Variants in LZIC observed in about 807,000 individuals in gnomAD.
LZIC encodes the protein protein LZIC.
A neutral mutation model predicts 25.4 loss-of-function variants in LZIC; 28 were observed. That is an observed-to-expected ratio of 1.10 (90% CI 0.82 to 1.51). The LOEUF (loss-of-function observed/expected upper bound fraction) is 1.51. Among genes scored for constraint, LZIC ranks in the 40% most tolerant of loss-of-function variants. The probability of loss-of-function intolerance (pLI) is 0.00; values close to 1 mark genes in which losing one functional copy is unlikely to be tolerated. For missense variants in LZIC, 170 were observed against 211.1 expected, an observed-to-expected ratio of 0.81 and a Z score of 1.21; for synonymous variants, 65 against 70.7, an observed-to-expected ratio of 0.92 and a Z score of 0.40.
At position 9,934,765 on chromosome 1, in the gene LZIC, T is replaced by G. The variant is rs767946901; in HGVS notation, c.333A>C (p.Ala111=). 3.7e-6 allele frequency: 6 copies of G among 1,613,362 alleles called. No homozygotes were observed. The highest frequency in any genetic ancestry group is 5.1e-6 in the Non-Finnish European group (6 of 1,179,332). Residue 111 remains alanine, a synonymous_variant, in exon 5 of 8, where the codon GCA becomes GCC. Transcript: ENST00000377223. ...KQPGQLRTRL[A]EMDRDLMVGK... is the part of the protein sequence containing the mutation. ...AATCAATTTAAAGAAATTTTACCTC[T>G]GCTAACCTTGTCCGAAGCTGACCTG...
intron 2 of LZIC, among the ~76,000 whole-genome samples, chr1:9,939,947 C>G (rs1478843528): frequency 1.3e-5 from 2 of 151,898 alleles, no homozygotes; most frequent in African/African-American, 4.8e-5. Context: ...GGCGAAACCC[C>G]GTCTCTACAA....
intron 5 of LZIC, among the ~76,000 whole-genome samples, chr1:9,934,547 G>A (rs1343346991): frequency 2.0e-5 from 3 of 152,154 alleles, no homozygotes; most frequent in Non-Finnish European, 4.4e-5. Context: ...TGGAGTCCAG[G>A]TAGAAGTGGT....
intron 2 of LZIC, among the ~76,000 whole-genome samples, chr1:9,939,862 TAATCC>T (rs936517755): frequency 1.1e-4 from 16 of 152,164 alleles, no homozygotes; most frequent in African/African-American, 2.9e-4. Flanking sequence ...CTCACACCTG[TAATCC>T]CAGCACTTTA....
In LZIC at chr1:9,927,018, A is replaced by T. The variant is rs1404852133; in HGVS notation, c.*3381T>A. Reference sequence around the variant, plus strand: ...AAGTAAAAACTTTACGTGCATTAACAGAGGGGAATGCATAATAATCCTATG... The same window carrying T: ...AAGTAAAAACTTTACGTGCATTAACTGAGGGGAATGCATAATAATCCTATG... On this transcript the variant is annotated 3_prime_UTR_variant, in exon 8 of 8. Transcript: ENST00000377223. Among the ~76,000 whole-genome samples the T allele has an allele frequency of 6.6e-6, 1 of 152,230 alleles. No individual in the cohort carries two copies. The highest frequency in any genetic ancestry group is 1.5e-5 in the Non-Finnish European group (1 of 68,036).
At chr1:9,933,871 C>T (rs987785736) in intron 5 of LZIC, among the ~76,000 whole-genome samples, 1 of 151,884 alleles carries the variant, frequency 6.6e-6, no homozygotes, top group Non-Finnish European at 1.5e-5. Flanking sequence ...CATTACTACA[C>T]TGAGCCTGGG....
At chr1:9,932,980 A>T in intron 5 of LZIC, 82 bp from the exon 6 acceptor site, 1 of 924,610 alleles carries the variant, frequency 1.1e-6, no homozygotes, top group Non-Finnish European at 1.7e-6. Context: ...GGCCAGGCGC[A>T]GTGGCTCACG....
In LZIC at chr1:9,936,596, C is replaced by T; in HGVS notation, c.24G>A (p.Glu8=). The part of the protein sequence containing the change: MASRGKT[E]TSKLKQNLEE... ...CTAAATTCTGCTTTAATTTGCTTGT[C>T]TCTGTCTTTCCTCTGGAAGCCATTT... is the stretch of plus-strand genomic sequence containing the variant. Residue 8 remains glutamate (E), a synonymous_variant, in exon 3 of 8, where the codon GAG becomes GAA. Transcript: ENST00000377223. 6.2e-7 allele frequency: 1 copy of T among 1,613,208 alleles called. No homozygotes were observed.
At chr1:9,942,354 T>C (rs1170957468) in intron 2 of LZIC, among the ~76,000 whole-genome samples, 1 of 152,178 alleles carries the variant, frequency 6.6e-6, no homozygotes, top group East Asian at 1.9e-4. Flanking sequence ...CAGTACCTAA[T>C]ACAGAATAGA....
chr1:9,938,474 T>C (rs1640554618), intron 2 of LZIC, among the ~76,000 whole-genome samples: 1 of 152,216 alleles, frequency 6.6e-6, no homozygotes, highest in African/African-American at 2.4e-5. Flanking sequence ...GAACATCTTT[T>C]AATATGAATT....
chr1:9,938,722 C>A (rs967795545), intron 2 of LZIC, among the ~76,000 whole-genome samples: 1 of 152,106 alleles, frequency 6.6e-6, no homozygotes, highest in African/African-American at 2.4e-5. Flanking sequence ...TTTGTCATGG[C>A]AAATTATTAT....
chr1:9,932,577 G>C (rs574952290), intron 6 of LZIC, among the ~76,000 whole-genome samples: 11 of 151,474 alleles, frequency 7.3e-5, no homozygotes, highest in Non-Finnish European at 1.5e-4. Context: ...CAGCTACTCA[G>C]GAGGCTGAGG....
At chr1:9,940,333 C>G (rs946614614) in intron 2 of LZIC, among the ~76,000 whole-genome samples, 2 of 152,008 alleles carry the variant, frequency 1.3e-5, no homozygotes, top group Admixed American at 6.6e-5. Flanking sequence ...CCCGCCACCA[C>G]GCCCAGCTTA....
At position 9,929,354 on chromosome 1, in the gene LZIC, A is replaced by G. The variant is rs182302761; in HGVS notation, c.*1045T>C. The G allele has an allele frequency of 1.0e-6, 1 of 985,022 alleles. No homozygotes were observed. Among genetic ancestry groups the G allele is most frequent in the African/African-American group, 1.7e-5 (1 of 57,364 alleles). The allele number at this position is 985,022 out of a possible 1,614,324, so 61.0% of individuals were successfully genotyped here. On this transcript the variant is annotated 3_prime_UTR_variant, in exon 8 of 8. Transcript: ENST00000377223. ...ATTGAGAAGCACATGAAAGAATATA[A>G]AATGGCTAGAGCCTAAAAAATAAGC...
At chr1:9,932,198 A>T in intron 6 of LZIC, 1 of 404,666 alleles carries the variant, frequency 2.5e-6, no homozygotes. Flanking sequence ...ACAAAAAATC[A>T]GCTGGGCGTG....
At chr1:9,941,500 C>CTTT (rs1217006418) in intron 2 of LZIC, among the ~76,000 whole-genome samples, 2 of 132,448 alleles carry the variant, frequency 1.5e-5, no homozygotes, top group Non-Finnish European at 1.6e-5. Flanking sequence ...TAGCCTTTAC[C>CTTT]TTTTTTTTTT....
At chr1:9,942,121 TG>T (rs1387299827) in intron 2 of LZIC, among the ~76,000 whole-genome samples, 5 of 151,950 alleles carry the variant, frequency 3.3e-5, no homozygotes, top group Non-Finnish European at 7.4e-5. Flanking sequence ...TTCACCATGT[TG>T]TCCAGGCGAG....
chr1:9,930,498 A>C, intron 7 of LZIC, 41 bp from the exon 8 acceptor site: 1 of 1,607,506 alleles, frequency 6.2e-7, no homozygotes, highest in South Asian at 1.1e-5. Flanking sequence ...GATTATTTCA[A>C]GTGCAGTTGC....
intron 7 of LZIC, among the ~76,000 whole-genome samples, chr1:9,931,640 G>A (rs1640218043): frequency 6.6e-6 from 1 of 152,166 alleles, no homozygotes; most frequent in South Asian, 2.1e-4. Context: ...CTGGCCTCAA[G>A]CATATAATTT....
intron 2 of LZIC, among the ~76,000 whole-genome samples, chr1:9,938,608 A>C (rs570331702): frequency 6.6e-6 from 1 of 152,290 alleles, no homozygotes; most frequent in East Asian, 1.9e-4. Context: ...GCTGGAGTGC[A>C]GTGGCATGAT....
Sources: allele counts gnomAD v4.1 joint callset (sites outside exome capture counted in the v4.1 genomes callset), GRCh38; gene constraint gnomAD v4.1.1; transcripts MANE v1.5; gene names NCBI Gene and HGNC (gene_info 2026-07-23, HGNC 2026-07-21).